The following ZFAT variants were observed in gnomAD, a reference collection of about 807,000 sequenced individuals.
ZFAT encodes zinc finger and AT-hook domain containing, also known as zinc finger protein ZFAT.
A neutral mutation model predicts 117.7 loss-of-function variants in ZFAT; 64 were observed. The ratio of observed to expected loss-of-function variants is 0.54; its 90% CI spans 0.44 to 0.67. The LOEUF is 0.67. Among genes scored for constraint, ZFAT ranks in the 30% least tolerant of loss-of-function variants. ZFAT has a pLI of 0.00. For synonymous variants in ZFAT, 679 were observed against 615.0 expected (o/e 1.10, Z -1.54); for missense variants, 1,433 against 1,584.5 (o/e 0.90, Z 1.62).
At chr8:134,541,112 C>T (rs2130628591) in intron 11 of ZFAT, among the ~76,000 whole-genome samples, 1 of 152,270 alleles carries the variant, frequency 6.6e-6, no homozygotes, top group East Asian at 1.9e-4. Flanking sequence ...TCTTGGACTT[C>T]AGATTTGGAG....
chr8:134,608,466 T>C (rs1828054502), intron 5 of ZFAT, among the ~76,000 whole-genome samples: 1 of 152,198 alleles, frequency 6.6e-6, no homozygotes, highest in Non-Finnish European at 1.5e-5. Flanking sequence ...AGTTTTTCTT[T>C]AAATAAAATG....
In ZFAT at chr8:134,657,636, T is replaced by A; in HGVS notation, c.121A>T (p.Asn41Tyr). ...AGGGGAATAATAATCTCATCAACAT[T>A]AACCCCTTCTTCCATGTGCTTCTCT... ...VSEKHMEEGVNVDEIIIPLRP... is the reference protein window; with the variant it reads ...VSEKHMEEGVYVDEIIIPLRP... The change falls in exon 2 of 16, where the codon AAT (asparagine) becomes TAT (tyrosine). Residue 41 changes from asparagine to tyrosine, a missense_variant. This residue lies in a region of ZFAT where 436 missense variants were observed against 482.0 expected (regional missense o/e 0.90). Coordinates refer to ENST00000377838, the MANE Select transcript of ZFAT (RefSeq NM_020863.4). 6.2e-7 allele frequency: 1 copy of A among 1,614,126 alleles called. No homozygotes were observed. The highest frequency in any genetic ancestry group is 8.5e-7 in the Non-Finnish European group (1 of 1,180,038).
chr8:134,557,831 C>T (rs917641544), intron 11 of ZFAT, among the ~76,000 whole-genome samples: 4 of 152,210 alleles, frequency 2.6e-5, no homozygotes, highest in African/African-American at 9.6e-5. Flanking sequence ...CTGTTACACA[C>T]AGGTACATAA....
At chr8:134,664,087 G>A (rs1473968997) in intron 1 of ZFAT, among the ~76,000 whole-genome samples, 2 of 152,126 alleles carry the variant, frequency 1.3e-5, no homozygotes, top group Non-Finnish European at 2.9e-5. Context: ...AGGAGGTCAT[G>A]GAAGGGGCTC....
At chr8:134,518,933 C>T (rs1820438295) in intron 13 of ZFAT, among the ~76,000 whole-genome samples, 1 of 152,142 alleles carries the variant, frequency 6.6e-6, no homozygotes, top group African/African-American at 2.4e-5. Flanking sequence ...GAGACACCAT[C>T]TTTATCATAT....
chr8:134,804,717 AT>A, the ZFAT span, among the ~76,000 whole-genome samples: 1 of 152,210 alleles, frequency 6.6e-6, no homozygotes, highest in Non-Finnish European at 1.5e-5. Flanking sequence ...ATATCCTGTT[AT>A]TAGGAGAGCA....
the ZFAT span, among the ~76,000 whole-genome samples, chr8:134,781,245 C>T: frequency 3.3e-3 from 496 of 152,264 alleles, 2 homozygotes; most frequent in African/African-American, 0.011. Context: ...CCCACCTCAG[C>T]CTCCAGAGTA....
the ZFAT span, among the ~76,000 whole-genome samples, chr8:134,721,211 C>G: frequency 6.6e-6 from 1 of 152,150 alleles, no homozygotes; most frequent in Non-Finnish European, 1.5e-5. Flanking sequence ...TTCCACTGGC[C>G]TGTGTTCTAC....
At chr8:134,685,500 A>G (rs897558468) in intron 1 of ZFAT, among the ~76,000 whole-genome samples, 3 of 152,216 alleles carry the variant, frequency 2.0e-5, no homozygotes, top group African/African-American at 7.2e-5. Flanking sequence ...TGTGTTTGTT[A>G]TAATTTACTA....
At chr8:134,741,237 A>G in the ZFAT span, among the ~76,000 whole-genome samples, 25 of 151,830 alleles carry the variant, frequency 1.6e-4, no homozygotes, top group Non-Finnish European at 3.2e-4. Flanking sequence ...AAAGTTCTTG[A>G]AAGAATGATC....
At chr8:134,751,210 T>G in the ZFAT span, among the ~76,000 whole-genome samples, 21 of 152,266 alleles carry the variant, frequency 1.4e-4, 3 homozygotes, top group Admixed American at 1.1e-3. Context: ...CCACTCTAAG[T>G]GCTGAAAGGA....
chr8:134,625,350 C>G (rs1829428841), intron 3 of ZFAT, among the ~76,000 whole-genome samples: 3 of 152,230 alleles, frequency 2.0e-5, no homozygotes, highest in Admixed American at 1.3e-4. Context: ...ATTCCCCTAT[C>G]TGCAGGCTTT....
At chr8:134,576,456 A>C (rs966931690) in intron 10 of ZFAT, among the ~76,000 whole-genome samples, 6 of 152,096 alleles carry the variant, frequency 3.9e-5, no homozygotes, top group African/African-American at 1.4e-4. Flanking sequence ...CTGCCTCTTC[A>C]CCTTTTCTCC....
intron 3 of ZFAT, among the ~76,000 whole-genome samples, chr8:134,635,662 A>AGG (rs1417900142): frequency 6.7e-6 from 1 of 150,360 alleles, no homozygotes; most frequent in Non-Finnish European, 1.5e-5. Flanking sequence ...AGAGAGAGAG[A>AGG]GACAGGGAGA....
At chr8:134,566,393 C>CACAAAAAAAA (rs1824467282) in intron 10 of ZFAT, among the ~76,000 whole-genome samples, 1 of 77,298 alleles carries the variant, frequency 1.3e-5, no homozygotes, top group Non-Finnish European at 2.4e-5. Flanking sequence ...GACTCCAACT[C>CACAAAAAAAA]AAAAAAAAAA....
the ZFAT span, among the ~76,000 whole-genome samples, chr8:134,751,615 G>A: frequency 6.6e-6 from 1 of 152,294 alleles, no homozygotes; most frequent in Non-Finnish European, 1.5e-5. Flanking sequence ...TATCTCACAT[G>A]AGGATTGATT....
At chr8:134,665,944 C>T (rs957597692) in intron 1 of ZFAT, among the ~76,000 whole-genome samples, 7 of 152,142 alleles carry the variant, frequency 4.6e-5, no homozygotes, top group African/African-American at 1.7e-4. Context: ...TCTCAGAGGC[C>T]TCAAGTAAAA....
At chr8:134,485,942 C>G (rs141561717) in intron 15 of ZFAT, among the ~76,000 whole-genome samples, 1 of 152,210 alleles carries the variant, frequency 6.6e-6, no homozygotes, top group Non-Finnish European at 1.5e-5. Flanking sequence ...TCCTGGTGCC[C>G]GAGTTCCCCA....
At chr8:134,676,255 CAA>C (rs146638821) in intron 1 of ZFAT, among the ~76,000 whole-genome samples, 28,391 of 80,536 alleles carry the variant, frequency 0.35, 2,710 homozygotes, top group East Asian at 0.39. Flanking sequence ...AAATGGAAAG[CAA>C]AAAAAAAAAA....
Sources: gnomAD v4.1 joint callset for allele counts (sites outside exome capture counted in the v4.1 genomes callset) on GRCh38, gnomAD v4.1.1 for gene constraint, gnomAD v4.1.1 regional missense constraint, MANE v1.5 for transcripts, NCBI Gene and HGNC (gene_info 2026-07-23, HGNC 2026-07-21) for gene names.